TMEM117: variants seen among roughly 807,000 people sequenced by gnomAD.
The protein encoded by TMEM117 is transmembrane protein 117.
A neutral mutation model predicts 52.4 loss-of-function variants in TMEM117; 27 were observed. The ratio of observed to expected loss-of-function variants is 0.51; its 90% confidence interval spans 0.38 to 0.71. The LOEUF (loss-of-function observed/expected upper bound fraction) is 0.71, where lower values mean the gene tolerates loss of function less well. Ranked by LOEUF, TMEM117 falls within the 30% of genes least tolerant of loss-of-function variation. The pLI is 0.00. For synonymous variants in TMEM117, 215 were observed against 206.3 expected (o/e 1.04, Z -0.36); for missense variants, 556 against 630.5 (o/e 0.88, Z 1.26).
chr12:44,019,509 C>T (rs1422999354), intron 3 of TMEM117, among the ~76,000 whole-genome samples: 1 of 152,094 alleles, frequency 6.6e-6, no homozygotes. Context: ...GGGCTCTCTT[C>T]TCTATACATT....
At chr12:44,243,067 C>T (rs1281297219) in intron 5 of TMEM117, among the ~76,000 whole-genome samples, 1 of 151,942 alleles carries the variant, frequency 6.6e-6, no homozygotes, top group Non-Finnish European at 1.5e-5. Context: ...TGAAAAATGT[C>T]TGTTCATGTC....
intron 3 of TMEM117, among the ~76,000 whole-genome samples, chr12:43,986,838 T>A (rs1388879218): frequency 4.6e-5 from 7 of 152,192 alleles, no homozygotes; most frequent in Admixed American, 2.0e-4. Context: ...AATTCTCTTT[T>A]CAGAACTCCA....
At chr12:43,885,069 A>G (rs1433203058) in intron 2 of TMEM117, among the ~76,000 whole-genome samples, 5 of 152,192 alleles carry the variant, frequency 3.3e-5, no homozygotes, top group Admixed American at 3.3e-4. Flanking sequence ...TGCCTGCGCA[A>G]TACAGGCCCC....
At chr12:44,356,510 A>G (rs1366278840) in intron 6 of TMEM117, among the ~76,000 whole-genome samples, 1 of 151,960 alleles carries the variant, frequency 6.6e-6, no homozygotes, top group Non-Finnish European at 1.5e-5. Context: ...CTTTCAGTTT[A>G]TTTCCAACTT....
chr12:44,174,183 C>T (rs1388727683), intron 4 of TMEM117, among the ~76,000 whole-genome samples: 1 of 152,056 alleles, frequency 6.6e-6, no homozygotes, highest in Non-Finnish European at 1.5e-5. Context: ...TTTTTTTTAA[C>T]CAAATGTACT....
intron 6 of TMEM117, among the ~76,000 whole-genome samples, chr12:44,321,854 T>G (rs908360643): frequency 2.0e-5 from 3 of 152,182 alleles, no homozygotes; most frequent in Non-Finnish European, 4.4e-5. Flanking sequence ...CACTAAAGGT[T>G]TCAAGCTTAG....
chr12:43,843,878 T>G (rs1943155522), intron 1 of TMEM117, among the ~76,000 whole-genome samples: 1 of 152,242 alleles, frequency 6.6e-6, no homozygotes, highest in African/African-American at 2.4e-5. Context: ...TTTATTCACC[T>G]GTATACATTT....
At chr12:43,878,502 A>G (rs1368280483) in intron 2 of TMEM117, among the ~76,000 whole-genome samples, 1 of 152,224 alleles carries the variant, frequency 6.6e-6, no homozygotes, top group Non-Finnish European at 1.5e-5. Flanking sequence ...GAAATAATCT[A>G]TACTTTTCTA....
chr12:44,145,121 A>C (rs1421844199), intron 4 of TMEM117, among the ~76,000 whole-genome samples: 4 of 151,962 alleles, frequency 2.6e-5, no homozygotes, highest in Admixed American at 6.6e-5. Context: ...CGCGCCACTG[A>C]ACTCCAGCCT....
chr12:44,317,802 A>G (rs1951077276), intron 6 of TMEM117, among the ~76,000 whole-genome samples: 1 of 152,136 alleles, frequency 6.6e-6, no homozygotes, highest in Non-Finnish European at 1.5e-5. Context: ...GTTTACTGGG[A>G]GGTCTCTGAT....
chr12:44,306,784 C>T (rs751441545), intron 6 of TMEM117, among the ~76,000 whole-genome samples: 1 of 152,128 alleles, frequency 6.6e-6, no homozygotes, highest in African/African-American at 2.4e-5. Flanking sequence ...ATACCAGCAG[C>T]AGGAGAATGA....
At position 44,217,102 on chromosome 12, in the gene TMEM117, G is replaced by A. The variant is rs528419627; in HGVS notation, c.608+5715G>A. 1.1e-4 allele frequency among the ~76,000 whole-genome samples: 17 copies of A among 152,214 alleles called. No individual in the cohort carries two copies. In the East Asian group the frequency reaches 3.3e-3, roughly 29 times the overall value. ...TCTTAATATACATTAAATATGGTAT[G>A]GAGAGTAACATAATAATCATAAAAA... On this transcript the variant is annotated intron_variant, in intron 5 of 7. Transcript: ENST00000266534.
intron 4 of TMEM117, among the ~76,000 whole-genome samples, chr12:44,210,459 CTT>C (rs1949630747): frequency 6.6e-6 from 1 of 152,042 alleles, no homozygotes; most frequent in Admixed American, 6.6e-5. Context: ...GCATTTATAT[CTT>C]AATTTATTTT....
At chr12:43,952,506 A>G (rs917678978) in intron 3 of TMEM117, among the ~76,000 whole-genome samples, 1 of 152,044 alleles carries the variant, frequency 6.6e-6, no homozygotes, top group Non-Finnish European at 1.5e-5. Flanking sequence ...CACAAGTATC[A>G]ATAGCTGAAC....
At chr12:44,026,519 C>T (rs1946535449) in intron 3 of TMEM117, among the ~76,000 whole-genome samples, 1 of 152,062 alleles carries the variant, frequency 6.6e-6, no homozygotes, top group Non-Finnish European at 1.5e-5. Context: ...CTTCCCAGTC[C>T]CATTATTTCT....
At chr12:43,912,810 T>A (rs1327928038) in intron 2 of TMEM117, among the ~76,000 whole-genome samples, 3 of 152,064 alleles carry the variant, frequency 2.0e-5, no homozygotes, top group Non-Finnish European at 4.4e-5. Flanking sequence ...AATTTATAGT[T>A]ATATTCATTT....
At chr12:44,394,886 G>A in the TMEM117 span, among the ~76,000 whole-genome samples, 21 of 152,302 alleles carry the variant, frequency 1.4e-4, no homozygotes, top group South Asian at 2.7e-3. Flanking sequence ...TTGGCAGCCT[G>A]TGGAATCAGG....
At chr12:43,934,428 CTG>C (rs1944918999) in intron 2 of TMEM117, among the ~76,000 whole-genome samples, 1 of 152,094 alleles carries the variant, frequency 6.6e-6, no homozygotes, top group African/African-American at 2.4e-5. Context: ...AGGTTTATTA[CTG>C]TGTTACTGAG....
At chr12:43,854,386 G>A (rs11182298) in intron 2 of TMEM117, among the ~76,000 whole-genome samples, 5,655 of 151,898 alleles carry the variant, frequency 0.037, 263 homozygotes, top group African/African-American at 0.1. Flanking sequence ...AGGCAAGAGT[G>A]AGAGTGAAAT....
Sources: allele counts gnomAD v4.1 joint callset (sites outside exome capture counted in the v4.1 genomes callset), GRCh38; gene constraint gnomAD v4.1.1; transcripts MANE v1.5; gene names NCBI Gene and HGNC (gene_info 2026-07-23, HGNC 2026-07-21).